DLG2: variants seen among roughly 807,000 people sequenced by gnomAD.
DLG2 encodes disks large homolog 2.
DLG2 carries 45 observed loss-of-function variants against 132.5 expected under a neutral mutation model. The ratio of observed to expected loss-of-function variants is 0.34; its 90% CI spans 0.27 to 0.44. The LOEUF is 0.44. Among genes scored for constraint, DLG2 ranks in the 20% least tolerant of loss-of-function variants. The pLI, the probability that DLG2 is intolerant of heterozygous loss-of-function variation, is 1.00. For missense variants in DLG2, 1,045 were observed against 1,196.9 expected (o/e 0.87, Z 1.87); for synonymous variants, 424 against 419.6 (o/e 1.01, Z -0.13).
chr11:85,466,793 G>A (rs1387293646), intron 3 of DLG2, among the ~76,000 whole-genome samples: 3 of 152,148 alleles, frequency 2.0e-5, no homozygotes, highest in African/African-American at 7.2e-5. Flanking sequence ...GGCAATGTGG[G>A]TTCTTTTTTG....
At chr11:85,171,260 G>A (rs886272423) in intron 4 of DLG2, among the ~76,000 whole-genome samples, 2 of 152,138 alleles carry the variant, frequency 1.3e-5, no homozygotes, top group African/African-American at 4.8e-5. Context: ...GACCCATGGA[G>A]AGTGAGGAAA....
chr11:85,599,220 G>A (rs1045566451), intron 2 of DLG2, among the ~76,000 whole-genome samples: 3 of 151,978 alleles, frequency 2.0e-5, no homozygotes, highest in East Asian at 1.9e-4. Context: ...CACACATACA[G>A]TGCCTAAGTC....
At position 84,186,391 on chromosome 11, in the gene DLG2, G is replaced by A. The variant is rs143776022; in HGVS notation, c.574-22880C>T. 2.0e-5 allele frequency among the ~76,000 whole-genome samples: 3 copies of A among 151,986 alleles called. No individual in the cohort carries two copies. In the East Asian group the frequency reaches 5.8e-4, roughly 29 times the overall value. Reference sequence around the variant, plus strand: ...TGCAAATATAAACCTAAGAGAGCTGGAGCGGCTATACTGATATTAGACAAC... The same window carrying A: ...TGCAAATATAAACCTAAGAGAGCTGAAGCGGCTATACTGATATTAGACAAC... On this transcript the variant is annotated intron_variant, in intron 8 of 27. Transcript: ENST00000376104.
intron 7 of DLG2, among the ~76,000 whole-genome samples, chr11:84,285,632 T>C (rs989933972): frequency 6.6e-6 from 1 of 152,166 alleles, no homozygotes; most frequent in Non-Finnish European, 1.5e-5. Flanking sequence ...GATGTGAAAA[T>C]TAAATAGGTC....
chr11:84,861,634 A>AAAC (rs1566183030), intron 6 of DLG2, among the ~76,000 whole-genome samples: 1 of 73,508 alleles, frequency 1.4e-5, no homozygotes, highest in African/African-American at 5.0e-5. Context: ...AAAAAAAAAA[A>AAAC]AAAAACAAAA....
At chr11:84,504,935 C>G (rs1392041813) in intron 7 of DLG2, among the ~76,000 whole-genome samples, 2 of 152,074 alleles carry the variant, frequency 1.3e-5, no homozygotes, top group Admixed American at 1.3e-4. Context: ...ATATATAACA[C>G]AAATATTTGC....
At chr11:84,757,868 G>C (rs1398019190) in intron 6 of DLG2, among the ~76,000 whole-genome samples, 1 of 152,118 alleles carries the variant, frequency 6.6e-6, no homozygotes, top group African/African-American at 2.4e-5. Flanking sequence ...GAATCACCTG[G>C]TAAAGTCGGC....
At chr11:85,061,540 C>T (rs1289783479) in intron 6 of DLG2, among the ~76,000 whole-genome samples, 2 of 151,488 alleles carry the variant, frequency 1.3e-5, no homozygotes, top group Middle Eastern at 3.4e-3. Flanking sequence ...AGTCAAGGCT[C>T]AAAAAAATAA....
intron 22 of DLG2, 50 bp downstream of exon 22, chr11:83,484,079 T>A: frequency 1.3e-6 from 2 of 1,496,378 alleles, no homozygotes; most frequent in East Asian, 2.3e-5. Context: ...TGCCTGTGAA[T>A]TTTTTTTCTC....
At chr11:83,501,206 T>TC (rs939100977) in intron 21 of DLG2, among the ~76,000 whole-genome samples, 4 of 151,404 alleles carry the variant, frequency 2.6e-5, no homozygotes, top group East Asian at 1.9e-4. Context: ...TCTTTTCTTT[T>TC]TTTTTTTTTT....
At chr11:85,197,587 T>C (rs2081164036) in intron 4 of DLG2, among the ~76,000 whole-genome samples, 1 of 152,178 alleles carries the variant, frequency 6.6e-6, no homozygotes, top group Non-Finnish European at 1.5e-5. Context: ...TTTTTAAACT[T>C]ATTGAGTTTA....
chr11:83,747,075 A>C (rs1469102361), intron 18 of DLG2, among the ~76,000 whole-genome samples: 1 of 152,190 alleles, frequency 6.6e-6, no homozygotes, highest in Non-Finnish European at 1.5e-5. Flanking sequence ...GTACCTTGGA[A>C]TATTATACAA....
At chr11:83,902,197 C>T (rs997426628) in intron 15 of DLG2, among the ~76,000 whole-genome samples, 2 of 152,150 alleles carry the variant, frequency 1.3e-5, no homozygotes, top group African/African-American at 4.8e-5. Context: ...ATCTCATGTT[C>T]TTTCATGCCA....
At chr11:84,668,726 C>T (rs2153688695) in intron 6 of DLG2, among the ~76,000 whole-genome samples, 1 of 152,228 alleles carries the variant, frequency 6.6e-6, no homozygotes, top group East Asian at 1.9e-4. Context: ...TCACCATTTC[C>T]CCTTAGTAAT....
chr11:83,804,781 T>C (rs1332843527), intron 17 of DLG2, among the ~76,000 whole-genome samples: 2 of 152,150 alleles, frequency 1.3e-5, no homozygotes, highest in African/African-American at 4.8e-5. Context: ...ATTTAATATA[T>C]TGCACCTATT....
At chr11:84,790,105 A>T (rs1029476105) in intron 6 of DLG2, among the ~76,000 whole-genome samples, 1 of 152,196 alleles carries the variant, frequency 6.6e-6, no homozygotes, top group African/African-American at 2.4e-5. Flanking sequence ...TATAGCGAGC[A>T]GTACGATTGC....
At chr11:84,896,030 AT>A (rs1317154490) in intron 6 of DLG2, among the ~76,000 whole-genome samples, 2 of 152,126 alleles carry the variant, frequency 1.3e-5, no homozygotes, top group African/African-American at 2.4e-5. Flanking sequence ...TAACTGGTTG[AT>A]TAGTTAGGAG....
At chr11:84,375,033 T>C (rs921738021) in intron 7 of DLG2, among the ~76,000 whole-genome samples, 1 of 152,154 alleles carries the variant, frequency 6.6e-6, no homozygotes, top group African/African-American at 2.4e-5. Flanking sequence ...GGTAGACTTA[T>C]ATTCAATACC....
chr11:84,148,998 T>C (rs1422600444), intron 9 of DLG2, among the ~76,000 whole-genome samples: 1 of 152,236 alleles, frequency 6.6e-6, no homozygotes, highest in Non-Finnish European at 1.5e-5. Flanking sequence ...CATATGTTTT[T>C]CGGCTACTTG....
Sources: allele counts gnomAD v4.1 joint callset (sites outside exome capture counted in the v4.1 genomes callset), GRCh38; gene constraint gnomAD v4.1.1; transcripts MANE v1.5; gene names NCBI Gene and HGNC (gene_info 2026-07-23, HGNC 2026-07-21).